The following RBFOX1 variants were observed in gnomAD, a reference collection of about 807,000 sequenced individuals.
The protein encoded by RBFOX1 is RNA binding protein fox-1 homolog 1.
Under a neutral mutation model 57.7 loss-of-function variants are expected in RBFOX1, and 8 were observed. That is an observed-to-expected ratio of 0.14 (90% CI 0.08 to 0.25). The LOEUF (loss-of-function observed/expected upper bound fraction) is 0.25. RBFOX1 is among the 10% of genes least tolerant of loss of function. RBFOX1 has a pLI of 1.00. For synonymous variants in RBFOX1, 326 were observed against 222.4 expected, an observed-to-expected ratio of 1.47 and a Z score of -4.15; for missense variants, 611 against 548.5, an observed-to-expected ratio of 1.11 and a Z score of -1.14.
chr16:6,817,247 C>T (rs1299019470), intron 3 of RBFOX1, among the ~76,000 whole-genome samples: 2 of 152,098 alleles, frequency 1.3e-5, no homozygotes, highest in African/African-American at 4.8e-5. Context: ...TGGAATCAGA[C>T]ACCCAGGTAA....
At chr16:6,802,859 C>A (rs1044219737) in intron 3 of RBFOX1, among the ~76,000 whole-genome samples, 1 of 152,122 alleles carries the variant, frequency 6.6e-6, no homozygotes, top group African/African-American at 2.4e-5. Flanking sequence ...ACTTAAGTTG[C>A]CTTTCTTTTA....
At chr16:5,507,610 C>G (rs1022227039) in intron 2 of RBFOX1, among the ~76,000 whole-genome samples, 2 of 152,122 alleles carry the variant, frequency 1.3e-5, no homozygotes, top group Admixed American at 1.3e-4. Context: ...GTGAATGTGA[C>G]CTTATTTGGA....
chr16:7,265,955 TG>T (rs1461492243), intron 4 of RBFOX1, among the ~76,000 whole-genome samples: 2 of 127,480 alleles, frequency 1.6e-5, no homozygotes, highest in Admixed American at 8.3e-5. Flanking sequence ...TGAGATCTGG[TG>T]GGTTTTTGTT....
At chr16:5,926,021 G>C (rs985963602) in intron 4 of RBFOX1, among the ~76,000 whole-genome samples, 1 of 152,148 alleles carries the variant, frequency 6.6e-6, no homozygotes, top group Non-Finnish European at 1.5e-5. Flanking sequence ...ACTACCCCTC[G>C]AGGGTTCCCT....
chr16:6,938,907 G>C (rs933650159), intron 3 of RBFOX1, among the ~76,000 whole-genome samples: 1 of 152,160 alleles, frequency 6.6e-6, no homozygotes, highest in Non-Finnish European at 1.5e-5. Flanking sequence ...ACTCCAGCCT[G>C]GGTGACATAG....
intron 2 of RBFOX1, among the ~76,000 whole-genome samples, chr16:6,328,837 G>A (rs770808435): frequency 1.3e-5 from 2 of 152,092 alleles, no homozygotes; most frequent in Non-Finnish European, 2.9e-5. Flanking sequence ...TCAGCAAAAG[G>A]GAGTCGTGAT....
chr16:5,837,456 C>T (rs1470288028), intron 3 of RBFOX1, among the ~76,000 whole-genome samples: 1 of 151,976 alleles, frequency 6.6e-6, no homozygotes, highest in East Asian at 1.9e-4. Flanking sequence ...ATTGCATAAG[C>T]TTCAGAATTG....
chr16:6,157,918 T>C (rs887101555), intron 1 of RBFOX1, among the ~76,000 whole-genome samples: 1 of 152,206 alleles, frequency 6.6e-6, no homozygotes, highest in Non-Finnish European at 1.5e-5. Flanking sequence ...GATTAGATCC[T>C]ATTGGATGGA....
chr16:7,563,136 T>A (rs2090819354), intron 5 of RBFOX1, among the ~76,000 whole-genome samples: 1 of 152,158 alleles, frequency 6.6e-6, no homozygotes, highest in African/African-American at 2.4e-5. Context: ...CTTGTCTGAG[T>A]CATCAGACAA....
At chr16:7,270,010 T>C (rs913893626) in intron 4 of RBFOX1, among the ~76,000 whole-genome samples, 4 of 152,220 alleles carry the variant, frequency 2.6e-5, no homozygotes, top group Non-Finnish European at 5.9e-5. Flanking sequence ...GTCTGTTTCG[T>C]AATGCCAAGA....
At chr16:6,784,707 A>C (rs1210434663) in intron 3 of RBFOX1, among the ~76,000 whole-genome samples, 3 of 146,258 alleles carry the variant, frequency 2.1e-5, no homozygotes, top group Admixed American at 6.8e-5. Flanking sequence ...TTTTTTTTTT[A>C]TAAAGGTGCT....
At chr16:6,853,578 A>G (rs540888379) in intron 3 of RBFOX1, among the ~76,000 whole-genome samples, 2 of 152,266 alleles carry the variant, frequency 1.3e-5, no homozygotes, top group Middle Eastern at 3.4e-3. Context: ...GAGGTTAGCA[A>G]ACGGATTCCT....
chr16:7,136,336 T>C (rs1236180833), intron 4 of RBFOX1, among the ~76,000 whole-genome samples: 2 of 151,970 alleles, frequency 1.3e-5, no homozygotes, highest in Non-Finnish European at 2.9e-5. Context: ...ATGACCCCCC[T>C]GTGACTAGTA....
intron 2 of RBFOX1, among the ~76,000 whole-genome samples, chr16:5,591,650 G>A (rs1161556671): frequency 6.6e-6 from 1 of 152,184 alleles, no homozygotes; most frequent in African/African-American, 2.4e-5. Context: ...ATGAACAGAT[G>A]TGGAGTACTA....
chr16:5,908,342 GTGTGTGTGTGTC>G (rs142108160), intron 4 of RBFOX1, among the ~76,000 whole-genome samples: 39,090 of 143,868 alleles, frequency 0.27, 6,357 homozygotes, highest in Middle Eastern at 0.45. Flanking sequence ...ATGTGTGTGT[GTGTGTGTGTGTC>G]TGTGTGTGTT....
Position 6,779,843 on chromosome 16 carries a change from A to ATATT in RBFOX1, c.-16+125196_-16+125197insTTAT, listed in dbSNP as rs1555459893. Among the ~76,000 whole-genome samples the ATATT allele has an allele frequency of 1.1e-3, 41 of 36,214 alleles. 7 individuals are homozygous for ATATT. Among genetic ancestry groups the ATATT allele is most frequent in the African/African-American group, 4.8e-3 (29 of 6,086 alleles). The allele number at this position is 36,214 out of a possible 152,430, so 23.8% of individuals were successfully genotyped here. On this transcript the variant is annotated intron_variant, in intron 3 of 15. Coordinates refer to ENST00000550418, the MANE Select transcript of RBFOX1 (RefSeq NM_018723.4). ...TTTATATATATTTTTATATATTTATATATATATTTATATATATTTATATAT... is the reference window on the plus strand; with the variant it reads ...TTTATATATATTTTTATATATTTATATATTTATATATTTATATATATTTATATAT...
chr16:7,159,408 C>G (rs921240733), intron 4 of RBFOX1, among the ~76,000 whole-genome samples: 1 of 152,004 alleles, frequency 6.6e-6, no homozygotes, highest in Non-Finnish European at 1.5e-5. Flanking sequence ...GAATCAGAAA[C>G]GGGACAGGAT....
chr16:5,429,479 C>T (rs913456533), intron 1 of RBFOX1, among the ~76,000 whole-genome samples: 1 of 152,196 alleles, frequency 6.6e-6, no homozygotes, highest in Non-Finnish European at 1.5e-5. Context: ...TCTCAAGCAT[C>T]TGATTGATTT....
intron 1 of RBFOX1, among the ~76,000 whole-genome samples, chr16:6,280,614 G>A (rs2076273789): frequency 1.3e-5 from 2 of 152,120 alleles, no homozygotes; most frequent in African/African-American, 2.4e-5. Flanking sequence ...CAGGAAGGTG[G>A]CCGTGGCATT....
Sources: gnomAD v4.1 joint callset for allele counts (sites outside exome capture counted in the v4.1 genomes callset) on GRCh38, gnomAD v4.1.1 for gene constraint, MANE v1.5 for transcripts, NCBI Gene and HGNC (gene_info 2026-07-23, HGNC 2026-07-21) for gene names.